Variants in NBAS observed in about 807,000 individuals in gnomAD.
NBAS encodes the protein NAG/BC035112 fusion.
Under a neutral mutation model 302.5 loss-of-function variants are expected in NBAS, and 219 were observed. That is an observed-to-expected ratio of 0.72 (90% confidence interval 0.65 to 0.81). The LOEUF is 0.81. NBAS is among the 30% of genes least tolerant of loss of function. The probability of loss-of-function intolerance (pLI) is 0.00; values close to 1 mark genes in which losing one functional copy is unlikely to be tolerated. For synonymous variants in NBAS, 1,118 were observed against 1,021.6 expected (o/e 1.09, Z -1.80); for missense variants, 2,932 against 2,841.6 (o/e 1.03, Z -0.72).
intron 40 of NBAS, among the ~76,000 whole-genome samples, chr2:15,303,230 A>T (rs1670885220): frequency 6.6e-6 from 1 of 152,202 alleles, no homozygotes; most frequent in South Asian, 2.1e-4. Context: ...TGATAGAAAT[A>T]AGAACGACAG....
Position 15,475,865 on chromosome 2 carries a change from T to C in NBAS, c.1163A>G (p.Tyr388Cys), listed in dbSNP as rs1680169996. 2 of 1,613,104 alleles carry C rather than the reference T, an allele frequency of 1.2e-6. No homozygotes were observed. Among genetic ancestry groups the C allele is most frequent in the Admixed American group, 3.3e-5 (2 of 59,980 alleles). ...CCACCAATTGACATCTATCAGTGGGTAAAAGGACTCTTTATCTAAGAAGCG... is the reference window on the plus strand; with the variant it reads ...CCACCAATTGACATCTATCAGTGGGCAAAAGGACTCTTTATCTAAGAAGCG... ...RKKIKDKESF[Y>C]PLIDVNWWAD... The change falls in exon 14 of 52, where the codon TAC (tyrosine) becomes TGC (cysteine). Residue 388 changes from tyrosine to cysteine, a missense_variant. Coordinates refer to ENST00000281513, the MANE Select transcript of NBAS (RefSeq NM_015909.4).
rs16862767 is a variant in NBAS at position 15,558,490 on chromosome 2, T to C, written c.172+90A>G. 0.021 allele frequency: 19,475 copies of C among 916,216 alleles called. 1,566 individuals are homozygous for C. Among genetic ancestry groups the C allele is most frequent in the African/African-American group, 0.21 (12,498 of 60,364 alleles). 56.8% of individuals were successfully genotyped at this position (916,216 alleles called of 1,614,324 possible). A position where few individuals can be genotyped will look rare whatever the true frequency, so the allele number is the denominator to read the frequency against. The stretch of plus-strand genomic sequence containing the variant: ...TATAATTAAACTCAGATAACACACA[T>C]TACTTTTATTAGGCTCCACATCAGA... On this transcript the variant is annotated intron_variant, in intron 2 of 51. Coordinates refer to ENST00000281513, the MANE Select transcript of NBAS (RefSeq NM_015909.4).
chr2:14,956,087 ATC>A, the NBAS span, among the ~76,000 whole-genome samples: 2 of 152,152 alleles, frequency 1.3e-5, no homozygotes, highest in Non-Finnish European at 2.9e-5. Flanking sequence ...GCACTAAATC[ATC>A]TCTCTCAGTT....
chr2:14,997,205 AG>A, the NBAS span, among the ~76,000 whole-genome samples: 4 of 152,184 alleles, frequency 2.6e-5, no homozygotes, highest in African/African-American at 9.7e-5. Flanking sequence ...AAAAGAGAAA[AG>A]TATTGGGTAC....
intron 21 of NBAS, among the ~76,000 whole-genome samples, chr2:15,429,085 A>G (rs1476045553): frequency 6.6e-6 from 1 of 150,412 alleles, no homozygotes; most frequent in African/African-American, 2.4e-5. Context: ...AGGTAAACAC[A>G]GTATGGTAAT....
the NBAS span, among the ~76,000 whole-genome samples, chr2:15,041,868 T>C: frequency 1.3e-5 from 2 of 152,154 alleles, no homozygotes; most frequent in Admixed American, 1.3e-4. Context: ...TTCCCTTTTC[T>C]CTACTACATG....
At chr2:14,889,138 G>A in the NBAS span, among the ~76,000 whole-genome samples, 2 of 152,194 alleles carry the variant, frequency 1.3e-5, no homozygotes, top group African/African-American at 4.8e-5. Flanking sequence ...CAGTCCCTAA[G>A]ACATTTGTGT....
At chr2:15,028,622 T>C in the NBAS span, among the ~76,000 whole-genome samples, 1 of 152,186 alleles carries the variant, frequency 6.6e-6, no homozygotes. Flanking sequence ...TCTGATGTCA[T>C]CTTGCTCTCT....
At chr2:15,448,056 C>T (rs1678834832) in intron 21 of NBAS, among the ~76,000 whole-genome samples, 3 of 152,140 alleles carry the variant, frequency 2.0e-5, no homozygotes, top group Admixed American at 2.0e-4. Flanking sequence ...GTGCTGATCC[C>T]ATCATGGGAA....
intron 51 of NBAS, among the ~76,000 whole-genome samples, chr2:15,174,226 C>T (rs1476091854): frequency 2.6e-5 from 4 of 152,200 alleles, no homozygotes; most frequent in African/African-American, 9.6e-5. Flanking sequence ...ATAAATATGT[C>T]GATTCACACA....
At chr2:15,201,212 T>C (rs554283107) in intron 48 of NBAS, among the ~76,000 whole-genome samples, 149 of 152,340 alleles carry the variant, frequency 9.8e-4, no homozygotes, top group African/African-American at 3.4e-3. Context: ...AAAATAACTG[T>C]GCAATACCTT....
chr2:14,787,903 A>T, the NBAS span, among the ~76,000 whole-genome samples: 1 of 152,210 alleles, frequency 6.6e-6, no homozygotes, highest in African/African-American at 2.4e-5. Context: ...CCTGGATAAC[A>T]TCCTGCAGAG....
At chr2:15,001,675 C>T in the NBAS span, among the ~76,000 whole-genome samples, 6 of 152,090 alleles carry the variant, frequency 3.9e-5, no homozygotes, top group Admixed American at 1.3e-4. Flanking sequence ...AGAATGAAGC[C>T]GCGGACCCTC....
the NBAS span, among the ~76,000 whole-genome samples, chr2:15,118,249 G>T: frequency 2.6e-5 from 4 of 152,184 alleles, no homozygotes; most frequent in South Asian, 6.2e-4. Context: ...CATCAATCAG[G>T]GATTTCAGGG....
intron 44 of NBAS, among the ~76,000 whole-genome samples, chr2:15,248,485 G>T (rs776452044): frequency 2.6e-5 from 4 of 151,994 alleles, no homozygotes; most frequent in Non-Finnish European, 5.9e-5. Context: ...AGGAGATAAA[G>T]AAACAAAAAA....
At chr2:15,323,491 C>A (rs1671915739) in intron 38 of NBAS, among the ~76,000 whole-genome samples, 1 of 152,132 alleles carries the variant, frequency 6.6e-6, no homozygotes, top group South Asian at 2.1e-4. Flanking sequence ...AACCTAATAT[C>A]TGAAGTGAAA....
intron 32 of NBAS, among the ~76,000 whole-genome samples, chr2:15,358,532 C>T (rs1673738272): frequency 6.6e-6 from 1 of 152,158 alleles, no homozygotes; most frequent in Admixed American, 6.5e-5. Context: ...GCAACCTCGA[C>T]CTCCCAGGTT....
Position 15,238,505 on chromosome 2 carries a change from C to T in NBAS, c.5906G>A (p.Ser1969Asn). 6.2e-7 allele frequency: 1 copy of T among 1,614,152 alleles called. No individual in the cohort carries two copies. The highest frequency in any genetic ancestry group is 2.2e-5 in the East Asian group (1 of 44,874). The change falls in exon 45 of 52, where the codon AGC (serine) becomes AAC (asparagine). Residue 1969 changes from serine (S) to asparagine (N), a missense_variant. Ser to Asn is a conservative substitution (Grantham distance 46). Coordinates refer to ENST00000281513, the MANE Select transcript of NBAS (RefSeq NM_015909.4). ...CTTCAGAGAAAGGATGAAGCTGTGG[C>T]TCAGGGTTTCCAGGTGGGCAAGTGA... ...EKSLAHLETL[S>N]HSFILSLKNS... is the part of the protein sequence containing the mutation.
chr2:14,863,329 G>GGGA, the NBAS span, among the ~76,000 whole-genome samples: 1 of 152,180 alleles, frequency 6.6e-6, no homozygotes, highest in Non-Finnish European at 1.5e-5. Flanking sequence ...GAGTCAGGAA[G>GGGA]GGAGATAGGA....
Sources: gnomAD v4.1 joint callset for allele counts (sites outside exome capture counted in the v4.1 genomes callset) on GRCh38, gnomAD v4.1.1 for gene constraint, MANE v1.5 for transcripts, NCBI Gene and HGNC (gene_info 2026-07-23, HGNC 2026-07-21) for gene names.